Variants in MACROD2 observed in about 807,000 individuals in gnomAD.
The protein encoded by MACROD2 is ADP-ribose glycohydrolase MACROD2.
MACROD2 carries 36 observed loss-of-function variants against 70.4 expected under a neutral mutation model. The ratio of observed to expected loss-of-function variants is 0.51; its 90% CI spans 0.39 to 0.68. The LOEUF (loss-of-function observed/expected upper bound fraction) is 0.68. Ranked by LOEUF, MACROD2 falls within the 30% of genes least tolerant of loss-of-function variation. The pLI is 0.00. For missense variants in MACROD2, 496 were observed against 538.4 expected (o/e 0.92, Z 0.78); for synonymous variants, 172 against 178.8 (o/e 0.96, Z 0.30).
intron 8 of MACROD2, among the ~76,000 whole-genome samples, chr20:15,680,031 C>T (rs1180956143): frequency 6.6e-6 from 1 of 152,132 alleles, no homozygotes; most frequent in African/African-American, 2.4e-5. Context: ...GGAAGCCCTG[C>T]CCCTGAAGTC....
At chr20:16,011,025 G>A (rs1279940592) in intron 15 of MACROD2, among the ~76,000 whole-genome samples, 1 of 152,188 alleles carries the variant, frequency 6.6e-6, no homozygotes, top group African/African-American at 2.4e-5. Flanking sequence ...TAACACTTGG[G>A]ACAGAGTATC....
At chr20:14,315,823 A>G (rs1372709950) in intron 3 of MACROD2, among the ~76,000 whole-genome samples, 2 of 152,226 alleles carry the variant, frequency 1.3e-5, no homozygotes, top group African/African-American at 4.8e-5. Context: ...AAATTGGTGA[A>G]ATATCTTCTA....
At chr20:14,292,616 AT>A (rs2082395722) in intron 3 of MACROD2, among the ~76,000 whole-genome samples, 1 of 151,818 alleles carries the variant, frequency 6.6e-6, no homozygotes, top group East Asian at 1.9e-4. Flanking sequence ...CTAAAAGCTC[AT>A]TCATTCATTC....
chr20:14,821,512 C>G (rs920960936), intron 5 of MACROD2, among the ~76,000 whole-genome samples: 2 of 151,938 alleles, frequency 1.3e-5, no homozygotes, highest in Admixed American at 1.3e-4. Flanking sequence ...TTCAAAGTTC[C>G]CAGATGATTT....
At chr20:14,474,672 T>C (rs540445815) in intron 3 of MACROD2, among the ~76,000 whole-genome samples, 1 of 152,152 alleles carries the variant, frequency 6.6e-6, no homozygotes, top group African/African-American at 2.4e-5. Context: ...TGCATACATA[T>C]TTACAATTTT....
intron 12 of MACROD2, among the ~76,000 whole-genome samples, chr20:15,967,233 T>G (rs1230284791): frequency 6.6e-6 from 1 of 152,170 alleles, no homozygotes; most frequent in Non-Finnish European, 1.5e-5. Context: ...ATCTTCTTCA[T>G]TTTGCCTTCC....
At chr20:14,238,942 G>A (rs936569858) in intron 3 of MACROD2, among the ~76,000 whole-genome samples, 4 of 147,386 alleles carry the variant, frequency 2.7e-5, no homozygotes, top group Non-Finnish European at 4.4e-5. Context: ...CAGGAGAATC[G>A]CTTGAACCTG....
chr20:15,564,126 T>G (rs1464919568), intron 8 of MACROD2, among the ~76,000 whole-genome samples: 1 of 152,190 alleles, frequency 6.6e-6, no homozygotes, highest in African/African-American at 2.4e-5. Context: ...GTTCAGTCCT[T>G]GAAAGATAAT....
rs190419011 is a variant in MACROD2, at chr20:14,299,650, G to A, written c.272-193829G>A. On this transcript the variant is annotated intron_variant, in intron 3 of 17. Coordinates refer to ENST00000684519, the MANE Select transcript of MACROD2 (RefSeq NM_001351661.2). ...CCTGCAATGTCTCTGAGGTATGCCT[G>A]TACATGGGAATTATTTTTTAAATAA... 3.9e-5 allele frequency among the ~76,000 whole-genome samples: 6 copies of A among 152,262 alleles called. No individual in the cohort carries two copies. In the East Asian group the frequency reaches 9.7e-4, roughly 25 times the overall value.
intron 8 of MACROD2, among the ~76,000 whole-genome samples, chr20:15,522,655 C>T (rs1423854125): frequency 6.6e-6 from 1 of 152,160 alleles, no homozygotes; most frequent in Admixed American, 6.5e-5. Context: ...TTTAATTTGA[C>T]TGCCAGCCCA....
At chr20:14,343,306 A>G (rs1337084168) in intron 3 of MACROD2, among the ~76,000 whole-genome samples, 1 of 152,126 alleles carries the variant, frequency 6.6e-6, no homozygotes, top group East Asian at 1.9e-4. Context: ...AGATTGAGTC[A>G]ATCATTTCTA....
intron 8 of MACROD2, among the ~76,000 whole-genome samples, chr20:15,724,985 G>A (rs2050840088): frequency 1.3e-5 from 2 of 152,162 alleles, no homozygotes; most frequent in Non-Finnish European, 2.9e-5. Context: ...GGGAGGCTGA[G>A]GCAGAAGAAT....
intron 8 of MACROD2, among the ~76,000 whole-genome samples, chr20:15,591,905 G>T (rs1048104575): frequency 5.9e-5 from 9 of 152,170 alleles, no homozygotes; most frequent in African/African-American, 9.7e-5. Context: ...TGATTTGGGT[G>T]CAACATGCTC....
intron 8 of MACROD2, among the ~76,000 whole-genome samples, chr20:15,575,495 A>T (rs2048434249): frequency 6.6e-6 from 1 of 152,188 alleles, no homozygotes; most frequent in South Asian, 2.1e-4. Context: ...GATCTTACTG[A>T]GAGCCCTGGG....
At chr20:15,729,831 C>CTTTTTGTTTTTTTTT (rs2050918867) in intron 8 of MACROD2, among the ~76,000 whole-genome samples, 1 of 64,772 alleles carries the variant, frequency 1.5e-5, no homozygotes, top group Non-Finnish European at 2.8e-5. Context: ...TTGGGTCATG[C>CTTTTTGTTTTTTTTT]TTTTTTTTTT....
intron 7 of MACROD2, among the ~76,000 whole-genome samples, chr20:15,486,049 T>G (rs1169277234): frequency 1.3e-5 from 2 of 152,192 alleles, no homozygotes; most frequent in African/African-American, 4.8e-5. Context: ...CTTTGGGAGT[T>G]GATATTATAG....
At position 15,204,889 on chromosome 20, in the gene MACROD2, C is replaced by G. The variant is rs57272771; in HGVS notation, c.419-25051C>G. On this transcript the variant is annotated intron_variant, in intron 5 of 17. Transcript: ENST00000684519. ...TCTTCCACGCACCCCAATAATATGA[C>G]TAAAGGACCACCAGCAATTGAGTTG... 1.3e-3 allele frequency among the ~76,000 whole-genome samples: 191 copies of G among 152,174 alleles called. 1 individual carries two copies. The highest frequency in any genetic ancestry group is 4.0e-3 in the African/African-American group (166 of 41,512).
At chr20:14,771,978 G>A (rs951304156) in intron 5 of MACROD2, among the ~76,000 whole-genome samples, 2 of 151,862 alleles carry the variant, frequency 1.3e-5, no homozygotes, top group African/African-American at 4.8e-5. Flanking sequence ...TCAAATTTAG[G>A]CTTTCACTGT....
At chr20:14,364,535 A>C (rs931347984) in intron 3 of MACROD2, among the ~76,000 whole-genome samples, 3 of 152,136 alleles carry the variant, frequency 2.0e-5, no homozygotes, top group Admixed American at 2.0e-4. Context: ...CACCGCCTCT[A>C]TTTCCAAAAT....
Sources: allele counts gnomAD v4.1 joint callset (sites outside exome capture counted in the v4.1 genomes callset), GRCh38; gene constraint gnomAD v4.1.1; transcripts MANE v1.5; gene names NCBI Gene and HGNC (gene_info 2026-07-23, HGNC 2026-07-21).